UBE2E2: variants seen among roughly 807,000 people sequenced by gnomAD.
UBE2E2 encodes the protein ubiquitin conjugating enzyme E2 E2.
A neutral mutation model predicts 24.7 loss-of-function variants in UBE2E2; 6 were observed. The ratio of observed to expected loss-of-function variants is 0.24; its 90% confidence interval spans 0.13 to 0.48. The LOEUF (loss-of-function observed/expected upper bound fraction) is 0.48, where lower values mean the gene tolerates loss of function less well. Among genes scored for constraint, UBE2E2 ranks in the 20% least tolerant of loss-of-function variants. The probability of loss-of-function intolerance (pLI) is 0.99; values close to 1 mark genes in which losing one functional copy is unlikely to be tolerated. For missense variants in UBE2E2, 169 were observed against 245.0 expected, an observed-to-expected ratio of 0.69 and a Z score of 2.07; for synonymous variants, 104 against 83.6, an observed-to-expected ratio of 1.24 and a Z score of -1.33.
intron 3 of UBE2E2, among the ~76,000 whole-genome samples, chr3:23,433,570 T>C (rs560273192): frequency 1.4e-3 from 210 of 152,164 alleles, no homozygotes; most frequent in African/African-American, 4.8e-3. Context: ...TGATATCTTA[T>C]TGGCTATGAT....
At position 23,553,312 on chromosome 3, in the gene UBE2E2, TAA is replaced by T. The variant is rs76300474; in HGVS notation, c.508+20621_508+20622del. On this transcript the variant is annotated intron_variant, in intron 5 of 5. Transcript: ENST00000396703. ...ATTACATTATAAACTTTATGACCTC[TAA>T]AAAAAAAAATAATTTCAAAGAAGCA... Among the ~76,000 whole-genome samples the T allele has an allele frequency of 6.7e-5, 10 of 148,714 alleles. No homozygotes were observed. The South Asian group carries it at 8.5e-4, about 13-fold the overall frequency.
intron 5 of UBE2E2, among the ~76,000 whole-genome samples, chr3:23,572,623 A>G (rs1575716821): frequency 6.6e-6 from 1 of 152,270 alleles, no homozygotes; most frequent in Non-Finnish European, 1.5e-5. Flanking sequence ...CTTATAAGTG[A>G]GACAATGCAG....
chr3:23,551,351 C>T (rs529208270), intron 5 of UBE2E2, among the ~76,000 whole-genome samples: 1 of 152,182 alleles, frequency 6.6e-6, no homozygotes, highest in South Asian at 2.1e-4. Context: ...TAGTTCTTAA[C>T]TTCATGAAAT....
At chr3:23,257,077 A>G (rs1024763224) in intron 3 of UBE2E2, among the ~76,000 whole-genome samples, 2 of 152,206 alleles carry the variant, frequency 1.3e-5, no homozygotes, top group South Asian at 2.1e-4. Context: ...TTTATGGACC[A>G]TGTATTCTTT....
intron 5 of UBE2E2, among the ~76,000 whole-genome samples, chr3:23,576,918 A>ATT (rs1439324179): frequency 7.3e-6 from 1 of 136,278 alleles, no homozygotes; most frequent in African/African-American, 3.0e-5. Flanking sequence ...TACTGTTGTT[A>ATT]TTGTTTTTTT....
At chr3:23,471,800 A>G (rs1482651724) in intron 3 of UBE2E2, among the ~76,000 whole-genome samples, 1 of 152,258 alleles carries the variant, frequency 6.6e-6, no homozygotes, top group Non-Finnish European at 1.5e-5. Flanking sequence ...GGCAAGGACA[A>G]CAGAGTAGGC....
intron 2 of UBE2E2, among the ~76,000 whole-genome samples, chr3:23,209,351 T>A (rs993516680): frequency 6.6e-6 from 1 of 152,142 alleles, no homozygotes; most frequent in Non-Finnish European, 1.5e-5. Flanking sequence ...AGTCAGTGGA[T>A]CCATCTTGAT....
At chr3:23,458,420 GGTGGTGGTT>G (rs1307523014) in intron 3 of UBE2E2, among the ~76,000 whole-genome samples, 4 of 151,388 alleles carry the variant, frequency 2.6e-5, no homozygotes, top group East Asian at 1.9e-4. Flanking sequence ...TGGTGGTGGT[GGTGGTGGTT>G]GTTGTTGTTT....
chr3:23,534,329 G>GT (rs199720039), intron 5 of UBE2E2: 75,070 of 603,478 alleles, frequency 0.12, 4 homozygotes, highest in Non-Finnish European at 0.14. Context: ...CAGTGAACTA[G>GT]TTTTTTTTTT....
At chr3:23,575,462 T>C (rs571914606) in intron 5 of UBE2E2, among the ~76,000 whole-genome samples, 1 of 152,274 alleles carries the variant, frequency 6.6e-6, no homozygotes, top group African/African-American at 2.4e-5. Flanking sequence ...ATTTATAGTG[T>C]ATAAAGTGTT....
At chr3:23,324,504 G>A (rs1359632023) in intron 3 of UBE2E2, among the ~76,000 whole-genome samples, 1 of 152,010 alleles carries the variant, frequency 6.6e-6, no homozygotes, top group Non-Finnish European at 1.5e-5. Context: ...CCAGCTACCT[G>A]TAGACCATTT....
rs184268229 is a variant in UBE2E2, at chr3:23,206,468, C to T, written c.-8-2224C>T. 2.3e-3 allele frequency among the ~76,000 whole-genome samples: 344 copies of T among 152,256 alleles called. 4 individuals are homozygous for T. Among genetic ancestry groups the T allele is most frequent in the African/African-American group, 7.8e-3 (326 of 41,536 alleles). On this transcript the variant is annotated intron_variant, in intron 1 of 5. Transcript: ENST00000396703. ...ATAAAAGATGTCACAGCTGTGGAGA[C>T]TGGTGCTCTTCATTTACAGAATAGG...
chr3:23,301,787 A>G (rs1228254730), intron 3 of UBE2E2, among the ~76,000 whole-genome samples: 3 of 152,132 alleles, frequency 2.0e-5, no homozygotes, highest in Non-Finnish European at 1.5e-5. Context: ...GCGTGCTGGG[A>G]GAACCACTAC....
chr3:23,573,149 A>G (rs992094217), intron 5 of UBE2E2, among the ~76,000 whole-genome samples: 4 of 152,192 alleles, frequency 2.6e-5, no homozygotes, highest in African/African-American at 4.8e-5. Context: ...GCAAAAGACA[A>G]ATTATTCCGT....
At chr3:23,540,372 G>C (rs1226688954) in intron 5 of UBE2E2, among the ~76,000 whole-genome samples, 1 of 150,274 alleles carries the variant, frequency 6.7e-6, no homozygotes, top group Non-Finnish European at 1.5e-5. Context: ...AAGCCACTGA[G>C]TAAAGTTTGA....
chr3:23,445,164 T>C (rs1559385770), intron 3 of UBE2E2, among the ~76,000 whole-genome samples: 1 of 152,214 alleles, frequency 6.6e-6, no homozygotes, highest in Non-Finnish European at 1.5e-5. Context: ...CACTCTATTA[T>C]GGGCTCACTA....
intron 3 of UBE2E2, among the ~76,000 whole-genome samples, chr3:23,257,110 G>C (rs148802620): frequency 1.6e-4 from 25 of 152,322 alleles, no homozygotes; most frequent in African/African-American, 6.0e-4. Context: ...TGTAGCTTGT[G>C]GGAGAAGCTA....
chr3:23,343,891 A>T (rs1439748064), intron 3 of UBE2E2, among the ~76,000 whole-genome samples: 1 of 152,170 alleles, frequency 6.6e-6, no homozygotes, highest in East Asian at 1.9e-4. Flanking sequence ...GTTGTAGTTT[A>T]TTCTTATTGC....
chr3:23,329,736 C>G (rs1386562361), intron 3 of UBE2E2, among the ~76,000 whole-genome samples: 1 of 152,234 alleles, frequency 6.6e-6, no homozygotes, highest in Non-Finnish European at 1.5e-5. Flanking sequence ...CTGCAAATTC[C>G]TCCTGGTCTT....
Sources: allele counts gnomAD v4.1 joint callset (sites outside exome capture counted in the v4.1 genomes callset), GRCh38; gene constraint gnomAD v4.1.1; transcripts MANE v1.5; gene names NCBI Gene and HGNC (gene_info 2026-07-23, HGNC 2026-07-21).